The following PHLDB1 variants were observed in gnomAD, a reference collection of about 807,000 sequenced individuals.
PHLDB1 encodes the protein pleckstrin homology-like domain family B member 1.
Under a neutral mutation model 139.3 loss-of-function variants are expected in PHLDB1, and 65 were observed. The ratio of observed to expected loss-of-function variants is 0.47; its 90% CI spans 0.38 to 0.57. The LOEUF is 0.57. PHLDB1 is among the 20% of genes least tolerant of loss of function. PHLDB1 has a pLI of 0.00. For synonymous variants in PHLDB1, 679 were observed against 734.5 expected, an observed-to-expected ratio of 0.92 and a Z score of 1.22; for missense variants, 1,624 against 1,839.7, an observed-to-expected ratio of 0.88 and a Z score of 2.14.
intron 4 of PHLDB1, 28 bp from the exon 5 acceptor site, chr11:118,624,906 G>T (rs782440242): frequency 1.2e-6 from 2 of 1,613,384 alleles, no homozygotes; most frequent in Non-Finnish European, 8.5e-7. Context: ...CACCACACCT[G>T]GTCTTCAAGT....
In PHLDB1 at chr11:118,650,240, C is replaced by T. The variant is rs367623011; in HGVS notation, c.3771+47C>T. On this transcript the variant is annotated intron_variant, in intron 19 of 22. Transcript: ENST00000600882. This position sits in a 1 kb window ranked among gnomAD's most constrained non-coding sequence, Gnocchi z 4.7. ...GGGGTGCTGGGGAGAGGGAGAATCC[C>T]GTGGTGAGAGGCACCTCCTGGGTCG... 8.4e-6 allele frequency: 12 copies of T among 1,429,198 alleles called. No individual in the cohort carries two copies. The highest frequency in any genetic ancestry group is 2.3e-5 in the South Asian group (2 of 87,206). 88.5% of individuals were successfully genotyped at this position (1,429,198 alleles called of 1,614,324 possible).
Position 118,635,534 on chromosome 11 carries a change from A to G in PHLDB1, c.2521A>G (p.Ile841Val). 1 of 1,558,524 alleles carries G rather than the reference A, an allele frequency of 6.4e-7. No homozygotes were observed. The highest frequency in any genetic ancestry group is 8.7e-7 in the Non-Finnish European group (1 of 1,153,402). Reference protein sequence around the residue: ...LRSKAELLRSIAKRKERLAIL... With the variant: ...LRSKAELLRSVAKRKERLAIL... ...GAGCAAGGCTGAGCTGCTCCGCAGC[A>G]TCGCCAAGAGGAAGGTGTGCCCCAC... is the stretch of plus-strand genomic sequence containing the variant. Residue 841 changes from isoleucine to valine, a missense_variant, in exon 10 of 23, where the codon ATC becomes GTC. Coordinates refer to ENST00000600882, the MANE Select transcript of PHLDB1 (RefSeq NM_001144758.3).
chr11:118,642,631 G>A (rs1946769606), intron 13 of PHLDB1, among the ~76,000 whole-genome samples: 1 of 152,246 alleles, frequency 6.6e-6, no homozygotes, highest in African/African-American at 2.4e-5. Flanking sequence ...TCTGGTGGAA[G>A]AGGATTCTGG....
At chr11:118,627,207 C>A in intron 5 of PHLDB1, 98 bp from the exon 6 acceptor site, 2 of 1,231,042 alleles carry the variant, frequency 1.6e-6, no homozygotes, top group Non-Finnish European at 2.3e-6. Context: ...TCTCCAGAGC[C>A]TTGTTAGCCT....
At chr11:118,625,310 C>T (rs782202409) in intron 5 of PHLDB1, among the ~76,000 whole-genome samples, 2 of 152,202 alleles carry the variant, frequency 1.3e-5, no homozygotes, top group Non-Finnish European at 2.9e-5. Context: ...AGCTTGTACC[C>T]CACTGCCCTG....
At chr11:118,617,852 G>C (rs782627054) in intron 4 of PHLDB1, among the ~76,000 whole-genome samples, 1 of 152,044 alleles carries the variant, frequency 6.6e-6, no homozygotes, top group African/African-American at 2.4e-5. Context: ...GTCTCAGAGA[G>C]AGCATCTTCT....
At chr11:118,613,700 T>G (rs137897057) in intron 1 of PHLDB1, 116 bp from the exon 2 acceptor site, 1 of 650,572 alleles carries the variant, frequency 1.5e-6, no homozygotes, top group African/African-American at 1.8e-5. Context: ...GCATGAGCAT[T>G]TGGGGAATGA....
chr11:118,650,107 C>T lies in PHLDB1; in HGVS notation c.3685C>T (p.Arg1229Trp), dbSNP rs782338322. ...ACCCCTGACCCGCTACCTGCCAATC[C>T]GGAAGGAGGACTTTGACCTGAAGAC... ...ARPLTRYLPI[R>W]KEDFDLKTHI... Residue 1229 changes from arginine to tryptophan, a missense_variant, in exon 19 of 23, where the codon CGG becomes TGG. Transcript: ENST00000600882. The surrounding 1 kb of genome is among the most constrained non-coding windows in gnomAD (Gnocchi z 4.7). 1.9e-6 allele frequency: 3 copies of T among 1,614,140 alleles called. No individual in the cohort carries two copies. Among genetic ancestry groups the T allele is most frequent in the South Asian group, 1.1e-5 (1 of 91,082 alleles).
At chr11:118,644,931 G>T (rs782540050) in intron 15 of PHLDB1, 1 of 267,540 alleles carries the variant, frequency 3.7e-6, no homozygotes, top group African/African-American at 2.3e-5. Flanking sequence ...TTGCAGGGGG[G>T]TCTGCATTGG....
intron 13 of PHLDB1, 51 bp downstream of exon 13, chr11:118,642,445 C>G (rs1311043699): frequency 6.4e-7 from 1 of 1,565,426 alleles, no homozygotes; most frequent in Admixed American, 1.7e-5. Flanking sequence ...CCTGTCCACT[C>G]TGATACCTCC....
At position 118,655,848 on chromosome 11, in the gene PHLDB1, TC is replaced by T. The variant is rs782472755; in HGVS notation, c.3961-8del. 6.8e-5 allele frequency: 109 copies of T among 1,610,334 alleles called. No individual in the cohort carries two copies. In the South Asian group the frequency reaches 1.1e-3, roughly 17 times the overall value. ...TCAACTTTCTCTTCCTTTCTCCCTC[TC>T]CCCTTCCCAGAAGAGGTTTTTCCGC... is the stretch of plus-strand genomic sequence containing the variant. On this transcript the variant is annotated splice_polypyrimidine_tract_variant and intron_variant, in intron 21 of 22. Coordinates refer to ENST00000600882, the MANE Select transcript of PHLDB1 (RefSeq NM_001144758.3).
At chr11:118,636,810 G>T (rs782161860) in intron 10 of PHLDB1, 6 of 152,174 alleles carry the variant, frequency 3.9e-5, no homozygotes, top group Non-Finnish European at 7.3e-5. Flanking sequence ...AATGCGGTAG[G>T]GAGCTGTAGA....
chr11:118,607,329 TGTGGTGGTGGTGGTGGTG>T (rs60326273), upstream of PHLDB1, among the ~76,000 whole-genome samples: 605 of 57,638 alleles, frequency 0.01, 14 homozygotes, highest in African/African-American at 0.035. Flanking sequence ...GAGGGGGATG[TGTGGTGGTGGTGGTGGTG>T]GTGGTGGTGG....
Position 118,610,936 on chromosome 11 carries a change from C to A in PHLDB1, c.-21-2880C>A, listed in dbSNP as rs1160419306. Among the ~76,000 whole-genome samples, 1 of 152,132 alleles carries A rather than the reference C, an allele frequency of 6.6e-6. No homozygotes were observed. Among genetic ancestry groups the A allele is most frequent in the Admixed American group, 6.5e-5 (1 of 15,286 alleles). Reference sequence around the variant, plus strand: ...CCGCCACTCGGCTGCCGGGGCGGCACTGGGGCGTCTGTACCCAGCGTGCGG... The same window carrying A: ...CCGCCACTCGGCTGCCGGGGCGGCAATGGGGCGTCTGTACCCAGCGTGCGG... On this transcript the variant is annotated intron_variant, in intron 1 of 22. Coordinates refer to ENST00000600882, the MANE Select transcript of PHLDB1 (RefSeq NM_001144758.3). The surrounding 1 kb of genome is among the most constrained non-coding windows in gnomAD (Gnocchi z 8.7).
At chr11:118,631,154 C>T in intron 6 of PHLDB1, 53 bp from the exon 7 acceptor site, 1 of 1,366,412 alleles carries the variant, frequency 7.3e-7, no homozygotes, top group Non-Finnish European at 9.5e-7. Context: ...GCTCTATCCC[C>T]ACCAGGGCTC....
At chr11:118,641,441 C>T (rs1383466160) in intron 12 of PHLDB1, 1 of 247,014 alleles carries the variant, frequency 4.0e-6, no homozygotes, top group Non-Finnish European at 7.8e-6. Flanking sequence ...TGGGGAGGGG[C>T]ACGCCTTCTG....
intron 9 of PHLDB1, chr11:118,634,892 C>A: frequency 2.3e-6 from 1 of 426,614 alleles, no homozygotes; most frequent in Non-Finnish European, 4.7e-6. Context: ...CCCCTGTGCC[C>A]CGCCCTCTCC....
Position 118,632,858 on chromosome 11 carries a change from A to G in PHLDB1, c.2379+562A>G, listed in dbSNP as rs1945017850. The G allele has an allele frequency of 1.0e-6, 1 of 984,674 alleles. No homozygotes were observed. The highest frequency in any genetic ancestry group is 4.7e-5 in the South Asian group (1 of 21,270). The allele number at this position is 984,674 out of a possible 1,614,324, so 61.0% of individuals were successfully genotyped here. Reference sequence around the variant, plus strand: ...TCCCAGATGCCCAACACCGTGCCAAAAGCTCTGAAGTGGAGAGGGGTCATC... The same window carrying G: ...TCCCAGATGCCCAACACCGTGCCAAGAGCTCTGAAGTGGAGAGGGGTCATC... On this transcript the variant is annotated intron_variant, in intron 9 of 22. Transcript: ENST00000600882. The surrounding 1 kb of genome is among the most constrained non-coding windows in gnomAD (Gnocchi z 5.9).
chr11:118,627,533 C>G lies in PHLDB1; in HGVS notation c.710C>G (p.Thr237Ser), dbSNP rs145612611. 5.1e-5 allele frequency: 83 copies of G among 1,614,230 alleles called. No homozygotes were observed. The African/African-American group carries it at 9.7e-4, about 19-fold the overall frequency. ...NGGRYLLSPPTSPGAMSVGSS... is the reference protein window; with the variant it reads ...NGGRYLLSPPSSPGAMSVGSS... ...GGGCGCTACCTGCTGTCTCCCCCAA[C>G]CAGCCCCGGCGCCATGTCTGTGGGC... The change falls in exon 6 of 23, where the codon ACC (threonine) becomes AGC (serine). Residue 237 changes from threonine (T) to serine (S), a missense_variant. Coordinates refer to ENST00000600882, the MANE Select transcript of PHLDB1 (RefSeq NM_001144758.3).
Sources: gnomAD v4.1 joint callset for allele counts (sites outside exome capture counted in the v4.1 genomes callset) on GRCh38, gnomAD v4.1.1 for gene constraint, Gnocchi (gnomAD v3.1) non-coding constraint, MANE v1.5 for transcripts, NCBI Gene and HGNC (gene_info 2026-07-23, HGNC 2026-07-21) for gene names.